COX15: variants seen among roughly 807,000 people sequenced by gnomAD.
The protein encoded by COX15 is cytochrome c oxidase assembly factor COX15.
A neutral mutation model predicts 51.9 loss-of-function variants in COX15; 51 were observed. The observed-to-expected ratio is 0.98, with a 90% CI of 0.78 to 1.24. COX15 has a LOEUF of 1.24. Ranked by LOEUF, COX15 falls within the 50% of genes most tolerant of loss-of-function variation. The probability of loss-of-function intolerance (pLI) is 0.00; values close to 1 mark genes in which losing one functional copy is unlikely to be tolerated. For synonymous variants in COX15, 188 were observed against 190.5 expected (o/e 0.99, Z 0.11); for missense variants, 420 against 501.1 (o/e 0.84, Z 1.55).
In COX15 at chr10:99,714,654, G is replaced by A. The variant is rs373396596; in HGVS notation, c.1166C>T (p.Ser389Leu). The A allele has an allele frequency of 3.7e-6, 6 of 1,613,986 alleles. No individual in the cohort carries two copies. The highest frequency in any genetic ancestry group is 4.2e-6 in the Non-Finnish European group (5 of 1,180,018). ...VPTPLAATHQSGSLALLTGAL... is the reference protein window; with the variant it reads ...VPTPLAATHQLGSLALLTGAL... ...ACCAGTGAGCAAAGCCAAGGAGCCT[G>A]ACTGGTGAGTGGCGGCCAGAGGAGT... Residue 389 changes from serine to leucine, a missense_variant, in exon 9 of 9, where the codon TCA becomes TTA. Ser to Leu is a moderately radical substitution (Grantham distance 145, BLOSUM62 -2). Transcript: ENST00000016171.
rs557527426 is a variant in COX15 at position 99,712,394 on chromosome 10, T to A, written c.*2193A>T. On this transcript the variant is annotated 3_prime_UTR_variant, in exon 9 of 9. Transcript: ENST00000016171. Reference sequence around the variant, plus strand: ...TTGAAATTAGTTCCCAACACTTAATTGAGAGCTTTCACAGAAAAATCTAGA... The same window carrying A: ...TTGAAATTAGTTCCCAACACTTAATAGAGAGCTTTCACAGAAAAATCTAGA... 1.1e-3 allele frequency: 1,107 copies of A among 985,300 alleles called. 3 individuals are homozygous for A. Among genetic ancestry groups the A allele is most frequent in the Non-Finnish European group, 1.3e-3 (1,069 of 829,922 alleles). The allele number at this position is 985,300 out of a possible 1,614,324, so 61.0% of individuals were successfully genotyped here.
chr10:99,710,994 G>A lies in COX15; in HGVS notation c.*3593C>T, dbSNP rs1484785704. Reference sequence around the variant, plus strand: ...TAGGTATGTGATGACTTGTTTTTTTGGAAAAAGGTATTTGGAACATCAATC... The same window carrying A: ...TAGGTATGTGATGACTTGTTTTTTTAGAAAAAGGTATTTGGAACATCAATC... On this transcript the variant is annotated 3_prime_UTR_variant, in exon 9 of 9. Coordinates refer to ENST00000016171, the MANE Select transcript of COX15 (RefSeq NM_078470.6). The A allele has an allele frequency of 2.0e-6, 2 of 984,400 alleles. No individual in the cohort carries two copies. The highest frequency in any genetic ancestry group is 3.5e-5 in the African/African-American group (2 of 57,030). 61.0% of individuals were successfully genotyped at this position (984,400 alleles called of 1,614,324 possible).
rs2036468094 is a variant in COX15 at position 99,713,591 on chromosome 10, A to T, written c.*996T>A. On this transcript the variant is annotated 3_prime_UTR_variant, in exon 9 of 9. Transcript: ENST00000016171. ...TCAAGGCCATATTTTTCTTATTACA[A>T]AGCTGTTAGGAAACCCTCTCAGGAA... is the stretch of plus-strand genomic sequence containing the variant. 1 of 1,501,126 alleles carries T rather than the reference A, an allele frequency of 6.7e-7. No individual in the cohort carries two copies. The highest frequency in any genetic ancestry group is 9.0e-7 in the Non-Finnish European group (1 of 1,113,998). 93.0% of individuals were successfully genotyped at this position (1,501,126 alleles called of 1,614,324 possible).
Position 99,713,544 on chromosome 10 carries a change from T to C in COX15, c.*1043A>G. On this transcript the variant is annotated 3_prime_UTR_variant, in exon 9 of 9. Transcript: ENST00000016171. ...GCAGTCAACAATTTGTTTATCTGGG[T>C]AGATGTCCATGCACTACACCATCAA... 1 of 1,561,892 alleles carries C rather than the reference T, an allele frequency of 6.4e-7. No homozygotes were observed. The highest frequency in any genetic ancestry group is 8.7e-7 in the Non-Finnish European group (1 of 1,153,064).
chr10:99,703,924 TTA>T, the COX15 span, among the ~76,000 whole-genome samples: 1 of 152,066 alleles, frequency 6.6e-6, no homozygotes, highest in Non-Finnish European at 1.5e-5. Context: ...TGGGGTCTTG[TTA>T]TGTTGACCAG....
intron 7 of COX15, 99 bp from the exon 8 acceptor site, chr10:99,716,560 A>G (rs1406189045): frequency 3.8e-6 from 3 of 792,452 alleles, no homozygotes; most frequent in East Asian, 5.2e-5. Flanking sequence ...ACCATGAAGT[A>G]CTTTCCTGTA....
chr10:99,720,932 G>C, intron 6 of COX15, 55 bp downstream of exon 6: 3 of 1,396,396 alleles, frequency 2.1e-6, no homozygotes, highest in Non-Finnish European at 3.0e-6. Context: ...TTAGGCAAGA[G>C]GTCCCAGCTT....
At chr10:99,729,405 A>G in intron 2 of COX15, 148 bp downstream of exon 2, 2 of 830,452 alleles carry the variant, frequency 2.4e-6, no homozygotes, top group Non-Finnish European at 3.9e-6. Context: ...GGTTGCAGTC[A>G]GCCGAGATCA....
chr10:99,699,525 T>C, the COX15 span, among the ~76,000 whole-genome samples: 4 of 152,224 alleles, frequency 2.6e-5, no homozygotes, highest in African/African-American at 7.2e-5. Flanking sequence ...TGCGTGTCTC[T>C]ATCTTTTTCA....
At position 99,714,302 on chromosome 10, in the gene COX15, C is replaced by A; in HGVS notation, c.*285G>T. The A allele has an allele frequency of 8.2e-7, 1 of 1,216,902 alleles. No homozygotes were observed. The highest frequency in any genetic ancestry group is 1.6e-5 in the South Asian group (1 of 61,598). The allele number at this position is 1,216,902 out of a possible 1,614,324, so 75.4% of individuals were successfully genotyped here. On this transcript the variant is annotated 3_prime_UTR_variant, in exon 9 of 9. Transcript: ENST00000016171. ...CAAGAGCTTGCCAACACTGAAAAAC[C>A]TGACACAAAGCCTGTTAAGCAGCAA...
chr10:99,730,826 CAAGGT>C (rs2037114068), intron 1 of COX15, among the ~76,000 whole-genome samples: 1 of 152,146 alleles, frequency 6.6e-6, no homozygotes, highest in Non-Finnish European at 1.5e-5. Flanking sequence ...TTTGGGAGGC[CAAGGT>C]GAGAGGATCA....
rs568042211 is a variant in COX15, at chr10:99,711,343, T to C, written c.*3244A>G. On this transcript the variant is annotated 3_prime_UTR_variant, in exon 9 of 9. Coordinates refer to ENST00000016171, the MANE Select transcript of COX15 (RefSeq NM_078470.6). ...GCCCTCTGCTGACTCAGTTACTAAC[T>C]AAGGACAACCTGGGTTTGAGGATCA... 6 of 985,410 alleles carry C rather than the reference T, an allele frequency of 6.1e-6. No homozygotes were observed. In the South Asian group the frequency reaches 2.3e-4, roughly 39 times the overall value. The allele number at this position is 985,410 out of a possible 1,614,324, so 61.0% of individuals were successfully genotyped here. A position where few individuals can be genotyped will look rare whatever the true frequency, so the allele number is the denominator to read the frequency against.
intron 6 of COX15, among the ~76,000 whole-genome samples, chr10:99,719,383 G>A (rs1006008807): frequency 2.0e-5 from 3 of 152,050 alleles, no homozygotes; most frequent in African/African-American, 7.2e-5. Flanking sequence ...TGGTAGAGAC[G>A]AGGTTTCACC....
chr10:99,718,295 C>T, intron 7 of COX15, 51 bp downstream of exon 7: 1 of 1,608,296 alleles, frequency 6.2e-7, no homozygotes. Context: ...CACCCCAAAG[C>T]CTATGATAGG....
downstream of COX15, chr10:99,710,523 C>T (rs1564641440): frequency 6.1e-6 from 6 of 985,376 alleles, no homozygotes; most frequent in Non-Finnish European, 6.0e-6. Context: ...TTTTCTACTG[C>T]TTCACATTAA....
At chr10:99,704,639 C>G in the COX15 span, 1 of 1,614,084 alleles carries the variant, frequency 6.2e-7, no homozygotes, top group South Asian at 1.1e-5. Flanking sequence ...CTTGCTGTGG[C>G]TTGAAGAGGT....
At chr10:99,704,372 C>T in the COX15 span, 36 of 1,356,700 alleles carry the variant, frequency 2.7e-5, no homozygotes, top group East Asian at 8.3e-4. Flanking sequence ...GATAACACTA[C>T]TGGGCCTTTC....
chr10:99,701,112 T>C, the COX15 span: 1 of 1,366,758 alleles, frequency 7.3e-7, no homozygotes, highest in South Asian at 1.2e-5. Flanking sequence ...AGATGGCAGA[T>C]TATAATGGAG....
chr10:99,697,237 GT>G, the COX15 span, among the ~76,000 whole-genome samples: 1 of 152,184 alleles, frequency 6.6e-6, no homozygotes, highest in East Asian at 1.9e-4. Flanking sequence ...CAAGTGGTGT[GT>G]TTGTATTCTG....
Sources: allele counts gnomAD v4.1 joint callset (sites outside exome capture counted in the v4.1 genomes callset), GRCh38; gene constraint gnomAD v4.1.1; transcripts MANE v1.5; gene names NCBI Gene and HGNC (gene_info 2026-07-23, HGNC 2026-07-21).